Variants in LINGO2 observed in about 807,000 individuals in gnomAD.
LINGO2 encodes the protein leucine-rich repeat and immunoglobulin-like domain-containing nogo receptor-interacting protein 2.
LINGO2 carries 14 observed loss-of-function variants against 30.6 expected under a neutral mutation model. The observed-to-expected ratio is 0.46, with a 90% CI of 0.30 to 0.72. The LOEUF is 0.72. LINGO2 is among the 30% of genes least tolerant of loss of function. The pLI, the probability that LINGO2 is intolerant of heterozygous loss-of-function variation, is 0.07. For synonymous variants in LINGO2, 317 were observed against 288.5 expected (o/e 1.10, Z -1.00); for missense variants, 729 against 751.7 (o/e 0.97, Z 0.35).
chr9:28,688,548 C>G, the LINGO2 span, among the ~76,000 whole-genome samples: 5 of 152,100 alleles, frequency 3.3e-5, no homozygotes, highest in East Asian at 9.6e-4. Context: ...ATGGTTCCTC[C>G]TAAGGGAAAT....
At chr9:29,211,579 TTCTC>T in the LINGO2 span, among the ~76,000 whole-genome samples, 33 of 151,090 alleles carry the variant, frequency 2.2e-4, no homozygotes, top group Admixed American at 2.6e-4. Flanking sequence ...TTCTCTTCTC[TTCTC>T]TCTCTCTCTC....
chr9:28,376,938 G>A (rs1466217643), intron 2 of LINGO2, among the ~76,000 whole-genome samples: 1 of 151,202 alleles, frequency 6.6e-6, no homozygotes, highest in Non-Finnish European at 1.5e-5. Context: ...GTATATTTCA[G>A]CCTGTAAGTC....
At chr9:28,700,651 C>T in the LINGO2 span, among the ~76,000 whole-genome samples, 7 of 152,066 alleles carry the variant, frequency 4.6e-5, no homozygotes, top group Admixed American at 1.3e-4. Context: ...GTTTTCAACT[C>T]ATCTAGGTAA....
chr9:29,134,927 T>A, the LINGO2 span, among the ~76,000 whole-genome samples: 1 of 152,080 alleles, frequency 6.6e-6, no homozygotes, highest in Non-Finnish European at 1.5e-5. Flanking sequence ...ACTTTTCCAA[T>A]CATGATATAG....
chr9:27,981,551 G>GAAAA (rs1279785343), intron 5 of LINGO2, among the ~76,000 whole-genome samples: 1 of 87,144 alleles, frequency 1.1e-5, no homozygotes. Flanking sequence ...AAAAAAAAAA[G>GAAAA]AAAAAAAAGA....
intron 2 of LINGO2, among the ~76,000 whole-genome samples, chr9:28,382,069 A>G (rs1821379390): frequency 6.6e-6 from 1 of 152,096 alleles, no homozygotes; most frequent in Admixed American, 6.6e-5. Context: ...CTAGTTCTCT[A>G]CTTTCTCTGA....
intron 2 of LINGO2, among the ~76,000 whole-genome samples, chr9:28,472,270 A>C (rs180752033): frequency 3.3e-5 from 5 of 152,170 alleles, no homozygotes; most frequent in Admixed American, 2.6e-4. Flanking sequence ...AAGAGACTAA[A>C]GTTAAAAAAT....
the LINGO2 span, among the ~76,000 whole-genome samples, chr9:29,140,906 A>G: frequency 5.9e-5 from 9 of 152,116 alleles, no homozygotes; most frequent in African/African-American, 1.9e-4. Flanking sequence ...AGAACCTGCC[A>G]ATGGAAAATA....
chr9:29,189,193 G>A, the LINGO2 span, among the ~76,000 whole-genome samples: 1 of 143,716 alleles, frequency 7.0e-6, no homozygotes, highest in Non-Finnish European at 1.5e-5. Flanking sequence ...CAGGCAGAGG[G>A]GCTCCTCACT....
intron 4 of LINGO2, among the ~76,000 whole-genome samples, chr9:28,197,469 G>A (rs1820055726): frequency 6.6e-6 from 1 of 151,852 alleles, no homozygotes; most frequent in South Asian, 2.1e-4. Flanking sequence ...ATTCACTAGG[G>A]AAGGCATAAA....
intron 4 of LINGO2, among the ~76,000 whole-genome samples, chr9:28,161,558 A>C (rs1164047319): frequency 1.3e-5 from 2 of 152,166 alleles, no homozygotes; most frequent in African/African-American, 4.8e-5. Flanking sequence ...AAAAATAAGA[A>C]AGAGAAACTG....
intron 4 of LINGO2, among the ~76,000 whole-genome samples, chr9:28,032,894 G>A (rs1587731322): frequency 1.3e-5 from 2 of 152,284 alleles, no homozygotes; most frequent in South Asian, 2.1e-4. Flanking sequence ...TCCATCAGGC[G>A]GCTGCCTTCT....
intron 1 of LINGO2, among the ~76,000 whole-genome samples, chr9:28,563,740 T>G (rs1211057817): frequency 6.6e-6 from 1 of 152,148 alleles, no homozygotes; most frequent in Admixed American, 6.5e-5. Context: ...GATATCTTTG[T>G]GGAGACTATG....
the LINGO2 span, among the ~76,000 whole-genome samples, chr9:29,010,906 TA>T: frequency 6.6e-6 from 1 of 151,838 alleles, no homozygotes; most frequent in Non-Finnish European, 1.5e-5. Context: ...AATAAATAAA[TA>T]AAATAAGTGG....
the LINGO2 span, among the ~76,000 whole-genome samples, chr9:28,876,561 C>A: frequency 6.6e-6 from 1 of 152,256 alleles, no homozygotes; most frequent in African/African-American, 2.4e-5. Context: ...TCATCTATGT[C>A]CCTACAAAGG....
chr9:28,395,640 A>G (rs1822009468), intron 2 of LINGO2, among the ~76,000 whole-genome samples: 1 of 152,222 alleles, frequency 6.6e-6, no homozygotes, highest in South Asian at 2.1e-4. Flanking sequence ...CTGTAATGTC[A>G]ATTTCATTGG....
intron 4 of LINGO2, among the ~76,000 whole-genome samples, chr9:28,074,034 G>C (rs1825555926): frequency 6.6e-6 from 1 of 152,178 alleles, no homozygotes; most frequent in Admixed American, 6.5e-5. Context: ...GACAGGACAA[G>C]TAGGACTCAC....
the LINGO2 span, among the ~76,000 whole-genome samples, chr9:28,964,060 T>C: frequency 1.3e-5 from 2 of 151,848 alleles, no homozygotes; most frequent in Non-Finnish European, 2.9e-5. Flanking sequence ...TGTGTGCATA[T>C]ATATGTGTAC....
intron 4 of LINGO2, among the ~76,000 whole-genome samples, chr9:28,079,550 T>C (rs553113919): frequency 6.6e-6 from 1 of 152,336 alleles, no homozygotes; most frequent in East Asian, 1.9e-4. Context: ...TAGAGCATAG[T>C]AAATAAGCAC....
Sources: gnomAD v4.1 joint callset for allele counts (sites outside exome capture counted in the v4.1 genomes callset) on GRCh38, gnomAD v4.1.1 for gene constraint, MANE v1.5 for transcripts, NCBI Gene and HGNC (gene_info 2026-07-23, HGNC 2026-07-21) for gene names.